PRSS23: variants seen among roughly 807,000 people sequenced by gnomAD.
PRSS23 encodes serine protease 23.
PRSS23 carries 25 observed loss-of-function variants against 34.7 expected under a neutral mutation model. That is an observed-to-expected ratio of 0.72 (90% CI 0.53 to 1.01). The LOEUF (loss-of-function observed/expected upper bound fraction) is 1.01. Ranked by LOEUF, PRSS23 falls within the 50% of genes least tolerant of loss-of-function variation. The probability of loss-of-function intolerance (pLI) is 0.00; values close to 1 mark genes in which losing one functional copy is unlikely to be tolerated. For synonymous variants in PRSS23, 176 were observed against 186.6 expected, an observed-to-expected ratio of 0.94 and a Z score of 0.46; for missense variants, 445 against 475.6, an observed-to-expected ratio of 0.94 and a Z score of 0.60.
At chr11:86,823,409 T>G (rs1014808195) in exon 2 of PRSS23, 18 of 702,246 alleles carry the variant, frequency 2.6e-5, no homozygotes, top group Non-Finnish European at 4.4e-5. Flanking sequence ...GAGACCTGTG[T>G]GCCAACCCTG....
At position 86,952,633 on chromosome 11, in the gene PRSS23, C is replaced by T. The variant is rs180680385; in HGVS notation, c.*1348C>T. 512 of 679,728 alleles carry T rather than the reference C, an allele frequency of 7.5e-4. 1 individual carries two copies. The highest frequency in any genetic ancestry group is 1.5e-3 in the East Asian group (56 of 37,606). The allele number at this position is 679,728 out of a possible 1,614,324, so 42.1% of individuals were successfully genotyped here. A position where few individuals can be genotyped will look rare whatever the true frequency, so the allele number is the denominator to read the frequency against. ...TGTTTACTCTGACCTCAAACAAGGG[C>T]GCCTGATAATCCATCACTTACATAC... On this transcript the variant is annotated 3_prime_UTR_variant, in exon 3 of 3. Transcript: ENST00000533902.
intron 2 of PRSS23, among the ~76,000 whole-genome samples, chr11:86,838,226 C>A (rs1948421608): frequency 6.6e-6 from 1 of 152,156 alleles, no homozygotes; most frequent in Admixed American, 6.5e-5. Context: ...GCACATCCAT[C>A]ACCACCAAAA....
chr11:86,890,269 C>T (rs73526137), intron 2 of PRSS23, among the ~76,000 whole-genome samples: 14,054 of 147,164 alleles, frequency 0.095, 703 homozygotes, highest in East Asian at 0.2. Flanking sequence ...GATTCCATCT[C>T]CAAAAAAAAA....
At position 86,879,068 on chromosome 11, in the gene PRSS23, G is replaced by T. The variant is rs542718283; in HGVS notation, c.206+55475G>T. Among the ~76,000 whole-genome samples, 341 of 127,158 alleles carry T rather than the reference G, an allele frequency of 2.7e-3. 5 individuals carry two copies. The highest frequency in any genetic ancestry group is 4.4e-3 in the Non-Finnish European group (262 of 58,974). The allele number at this position is 127,158 out of a possible 152,430, so 83.4% of individuals were successfully genotyped here. ...CGTCTAGGAAGTGAGGAGCGTCTCT[G>T]CCCGGCCGCCATCCCGTCTAGGAAG... On this transcript the variant is annotated intron_variant, in intron 2 of 2. Coordinates refer to the PRSS23 transcript ENST00000533902.
At chr11:86,812,787 C>CA (rs35855610), downstream of PRSS23, among the ~76,000 whole-genome samples, 10,812 of 83,302 alleles carry the variant, frequency 0.13, 847 homozygotes, top group African/African-American at 0.26. Context: ...GACTCTGTCT[C>CA]AAAAAAAAAA....
At chr11:86,832,868 T>A (rs1323042808) in intron 2 of PRSS23, 1 of 317,912 alleles carries the variant, frequency 3.1e-6, no homozygotes, top group African/African-American at 2.2e-5. Context: ...CATGACTATG[T>A]TATTGGTGAA....
At chr11:86,866,545 T>C (rs1948650775) in intron 2 of PRSS23, among the ~76,000 whole-genome samples, 3 of 152,236 alleles carry the variant, frequency 2.0e-5, no homozygotes, top group African/African-American at 7.2e-5. Flanking sequence ...TCAGCATTCA[T>C]TGAACACCTT....
intron 2 of PRSS23, among the ~76,000 whole-genome samples, chr11:86,930,962 T>A (rs10898558): frequency 0.62 from 94,454 of 151,388 alleles, 29,910 homozygotes; most frequent in Non-Finnish European, 0.69. Flanking sequence ...AAAAGGAAAG[T>A]GAGGGCCAAA....
At chr11:86,816,797 A>G (rs986799677) in intron 1 of PRSS23, among the ~76,000 whole-genome samples, 2 of 152,242 alleles carry the variant, frequency 1.3e-5, no homozygotes, top group African/African-American at 2.4e-5. Context: ...GTATAACATA[A>G]TATCAGGAAG....
intron 2 of PRSS23, among the ~76,000 whole-genome samples, chr11:86,898,280 G>A (rs938853649): frequency 6.6e-6 from 1 of 152,100 alleles, no homozygotes; most frequent in Non-Finnish European, 1.5e-5. Flanking sequence ...AGTGAAGAAG[G>A]CCCCTAAAAC....
chr11:86,829,519 C>T (rs544050312), intron 2 of PRSS23, among the ~76,000 whole-genome samples: 42 of 152,300 alleles, frequency 2.8e-4, no homozygotes, highest in African/African-American at 8.9e-4. Context: ...AGCTTTGTTC[C>T]GTTGCTGGTG....
At chr11:86,857,965 G>A in intron 2 of PRSS23, 4 of 383,124 alleles carry the variant, frequency 1.0e-5, no homozygotes, top group East Asian at 6.4e-5. Context: ...ATCGCAGGGG[G>A]TTGTACACGC....
intron 2 of PRSS23, among the ~76,000 whole-genome samples, chr11:86,879,155 C>T (rs11234852): frequency 0.072 from 9,980 of 138,370 alleles, 546 homozygotes; most frequent in East Asian, 0.17. Flanking sequence ...TCTTCCCGGC[C>T]GCCATCCCAT....
At chr11:86,827,890 T>G (rs1948316236) in intron 2 of PRSS23, among the ~76,000 whole-genome samples, 1 of 152,240 alleles carries the variant, frequency 6.6e-6, no homozygotes. Flanking sequence ...CTTTTACATT[T>G]GCTGAGGAGA....
intron 2 of PRSS23, among the ~76,000 whole-genome samples, chr11:86,866,750 T>C (rs1241406250): frequency 6.6e-6 from 1 of 152,170 alleles, no homozygotes; most frequent in Non-Finnish European, 1.5e-5. Context: ...TGATGCCCTC[T>C]CTTGGGTGTG....
At chr11:86,844,830 C>T (rs1174847577) in intron 2 of PRSS23, among the ~76,000 whole-genome samples, 1 of 152,180 alleles carries the variant, frequency 6.6e-6, no homozygotes, top group Non-Finnish European at 1.5e-5. Flanking sequence ...CGGCTCATGC[C>T]TGTAATCCCA....
At chr11:86,899,518 CT>C (rs34686726) in intron 2 of PRSS23, among the ~76,000 whole-genome samples, 60,610 of 143,858 alleles carry the variant, frequency 0.42, 12,900 homozygotes, top group Middle Eastern at 0.55. Context: ...GACCCCGTTT[CT>C]TTTTTTTTTT....
At chr11:86,839,752 CTT>C (rs1050817672) in intron 2 of PRSS23, among the ~76,000 whole-genome samples, 1 of 151,440 alleles carries the variant, frequency 6.6e-6, no homozygotes, top group African/African-American at 2.4e-5. Flanking sequence ...CAGCAGATCT[CTT>C]GGCAGAAACC....
At chr11:86,813,663 T>C (rs1021298106), downstream of PRSS23, among the ~76,000 whole-genome samples, 2 of 148,184 alleles carry the variant, frequency 1.3e-5, no homozygotes, top group Non-Finnish European at 3.0e-5. Context: ...CCTAATAAAA[T>C]GTGTTAATAT....
Sources: gnomAD v4.1 joint callset for allele counts (sites outside exome capture counted in the v4.1 genomes callset) on GRCh38, gnomAD v4.1.1 for gene constraint, MANE v1.5 for transcripts, NCBI Gene and HGNC (gene_info 2026-07-23, HGNC 2026-07-21) for gene names.